The following ZCWPW2 variants were observed in gnomAD, a reference collection of about 807,000 sequenced individuals.
ZCWPW2 encodes the protein zinc finger CW-type PWWP domain protein 2.
Under a neutral mutation model 46.6 loss-of-function variants are expected in ZCWPW2, and 45 were observed. That is an observed-to-expected ratio of 0.96 (90% CI 0.76 to 1.24). The LOEUF (loss-of-function observed/expected upper bound fraction) is 1.24. ZCWPW2 is among the 50% of genes most tolerant of loss of function. ZCWPW2 has a pLI of 0.00. For missense variants in ZCWPW2, 429 were observed against 403.9 expected (o/e 1.06, Z -0.53); for synonymous variants, 152 against 137.1 (o/e 1.11, Z -0.76).
chr3:28,498,528 G>A (rs1000100240), intron 6 of ZCWPW2, among the ~76,000 whole-genome samples: 2 of 152,034 alleles, frequency 1.3e-5, no homozygotes, highest in East Asian at 1.9e-4. Context: ...GTTAATAAAT[G>A]CTAGTACTTT....
intron 4 of ZCWPW2, among the ~76,000 whole-genome samples, chr3:28,471,112 A>C (rs904291207): frequency 6.6e-6 from 1 of 152,170 alleles, no homozygotes; most frequent in African/African-American, 2.4e-5. Flanking sequence ...AACTATAATA[A>C]AAAGTCTCCC....
intron 4 of ZCWPW2, among the ~76,000 whole-genome samples, chr3:28,445,182 C>CATATAT (rs146210607): frequency 1.0e-3 from 147 of 144,086 alleles, no homozygotes; most frequent in African/African-American, 3.4e-3. Flanking sequence ...ATATACCTAT[C>CATATAT]ATATATATAT....
intron 1 of ZCWPW2, among the ~76,000 whole-genome samples, chr3:28,361,098 A>G (rs1704924484): frequency 6.6e-6 from 1 of 152,162 alleles, no homozygotes; most frequent in Non-Finnish European, 1.5e-5. Context: ...TAAAATCAAA[A>G]AAAAGGTCAG....
At chr3:28,439,094 T>A (rs1294763343) in intron 4 of ZCWPW2, among the ~76,000 whole-genome samples, 1 of 145,152 alleles carries the variant, frequency 6.9e-6, no homozygotes, top group African/African-American at 2.6e-5. Flanking sequence ...TATACACATA[T>A]ATACACACAC....
Position 28,380,443 on chromosome 3 carries a change from A to T in ZCWPW2, c.-133-10055A>T, listed in dbSNP as rs112062439. Among the ~76,000 whole-genome samples the T allele has an allele frequency of 4.3e-3, 661 of 152,270 alleles. 5 individuals carry two copies. Among genetic ancestry groups the T allele is most frequent in the Middle Eastern group, 0.017 (5 of 294 alleles). Reference sequence around the variant, plus strand: ...ACAAACAAACAGAAACAACTACTCAAAGAATCACCTGAATTTGTTTTATCC... The same window carrying T: ...ACAAACAAACAGAAACAACTACTCATAGAATCACCTGAATTTGTTTTATCC... On this transcript the variant is annotated intron_variant, in intron 1 of 9. Transcript: ENST00000383768.
chr3:28,503,219 T>C (rs1348296336), intron 6 of ZCWPW2, among the ~76,000 whole-genome samples: 1 of 152,204 alleles, frequency 6.6e-6, no homozygotes, highest in Non-Finnish European at 1.5e-5. Context: ...AAAATGTGGC[T>C]GCCGTTTTTT....
intron 5 of ZCWPW2, among the ~76,000 whole-genome samples, chr3:28,490,469 C>G (rs116010266): frequency 0.014 from 2,058 of 152,198 alleles, 55 homozygotes; most frequent in African/African-American, 0.047. Context: ...TACATATTCA[C>G]TATGGAATAC....
intron 2 of ZCWPW2, among the ~76,000 whole-genome samples, chr3:28,412,687 TG>T: frequency 6.6e-6 from 1 of 152,170 alleles, no homozygotes; most frequent in Non-Finnish European, 1.5e-5. Flanking sequence ...GAATAATACC[TG>T]GTGCATAGTC....
At chr3:28,451,323 C>G (rs1445208896) in intron 4 of ZCWPW2, among the ~76,000 whole-genome samples, 4 of 152,170 alleles carry the variant, frequency 2.6e-5, no homozygotes, top group Non-Finnish European at 5.9e-5. Context: ...GAGACTCAGC[C>G]TACATGTCTT....
Position 28,435,111 on chromosome 3 carries a change from T to C in ZCWPW2, c.334T>C (p.Trp112Arg). ...ATTACAAATATTTTCTTTTGAAAGT[T>C]GGCCAGGAATACTTTGCCCTGACCG... The part of the protein sequence containing the change: ...VLVKLQNWPS[W>R]PGILCPDRFK... The change falls in exon 4 of 10, where the codon TGG (tryptophan) becomes CGG (arginine). Residue 112 changes from tryptophan (W) to arginine (R), a missense_variant and splice_region_variant. Trp to Arg is a moderately radical substitution (Grantham distance 101). Transcript: ENST00000383768. The C allele has an allele frequency of 6.2e-7, 1 of 1,604,998 alleles. No individual in the cohort carries two copies. The highest frequency in any genetic ancestry group is 2.2e-5 in the East Asian group (1 of 44,646).
chr3:28,434,792 T>C (rs181169084), intron 3 of ZCWPW2, among the ~76,000 whole-genome samples: 242 of 152,324 alleles, frequency 1.6e-3, no homozygotes, highest in African/African-American at 5.7e-3. Flanking sequence ...AATCTTTTTT[T>C]TTCTCTTATC....
intron 5 of ZCWPW2, among the ~76,000 whole-genome samples, chr3:28,485,062 C>T (rs777233072): frequency 1.3e-5 from 2 of 151,082 alleles, no homozygotes; most frequent in Non-Finnish European, 2.9e-5. Flanking sequence ...CTGAACATTG[C>T]TTTTGCTGCA....
At chr3:28,507,250 T>G (rs1180562712) in intron 6 of ZCWPW2, among the ~76,000 whole-genome samples, 1 of 152,280 alleles carries the variant, frequency 6.6e-6, no homozygotes, top group African/African-American at 2.4e-5. Flanking sequence ...GAAAAAGAAT[T>G]AATTTTTTTC....
At chr3:28,481,268 G>A (rs1559522670) in intron 5 of ZCWPW2, among the ~76,000 whole-genome samples, 3 of 151,730 alleles carry the variant, frequency 2.0e-5, no homozygotes. Context: ...TTTTTAGATG[G>A]AGTCTCGCTC....
chr3:28,377,992 C>G (rs1367942248), intron 1 of ZCWPW2, among the ~76,000 whole-genome samples: 1 of 152,010 alleles, frequency 6.6e-6, no homozygotes, highest in East Asian at 1.9e-4. Context: ...TCCTTTCTAC[C>G]TTCATGTCTG....
chr3:28,450,044 G>A (rs1253663517), intron 4 of ZCWPW2, among the ~76,000 whole-genome samples: 1 of 152,114 alleles, frequency 6.6e-6, no homozygotes, highest in East Asian at 1.9e-4. Context: ...TCACTCTACT[G>A]GATCAATTAA....
chr3:28,383,767 CT>C (rs1695178333), intron 1 of ZCWPW2, among the ~76,000 whole-genome samples: 1 of 152,016 alleles, frequency 6.6e-6, no homozygotes, highest in African/African-American at 2.4e-5. Context: ...CCAAAGTACT[CT>C]TTTTGCCACT....
chr3:28,387,686 TATC>T (rs746914363), intron 1 of ZCWPW2, among the ~76,000 whole-genome samples: 10 of 152,204 alleles, frequency 6.6e-5, no homozygotes, highest in Admixed American at 3.3e-4. Flanking sequence ...GTTGCAGTGA[TATC>T]ATAAAAAATG....
chr3:28,474,207 A>G (rs1387072319), intron 4 of ZCWPW2, among the ~76,000 whole-genome samples: 1 of 152,218 alleles, frequency 6.6e-6, no homozygotes, highest in African/African-American at 2.4e-5. Context: ...AAGATGTCAA[A>G]ACTCGGAACA....
Sources: gnomAD v4.1 joint callset for allele counts (sites outside exome capture counted in the v4.1 genomes callset) on GRCh38, gnomAD v4.1.1 for gene constraint, MANE v1.5 for transcripts, NCBI Gene and HGNC (gene_info 2026-07-23, HGNC 2026-07-21) for gene names.